Variants in SPRYD4 observed in about 807,000 individuals in gnomAD.
The protein encoded by SPRYD4 is SPRY domain containing 4.
A neutral mutation model predicts 16.6 loss-of-function variants in SPRYD4; 12 were observed. The observed-to-expected ratio is 0.72, with a 90% CI of 0.46 to 1.17. The LOEUF is 1.17. Among genes scored for constraint, SPRYD4 ranks in the 50% most tolerant of loss-of-function variants. The pLI is 0.00. For missense variants in SPRYD4, 260 were observed against 260.2 expected (o/e 1.00, Z 0.00); for synonymous variants, 98 against 105.4 (o/e 0.93, Z 0.43).
rs566806193 is a variant in SPRYD4 at position 56,478,474 on chromosome 12, A to G, written c.*8897A>G. ...GTATCCGCAATCCTGTAGAGATAGC[A>G]GTAAAGCCAATGGAAGTTAAAAAAG... On this transcript the variant is annotated 3_prime_UTR_variant, in exon 2 of 2. Coordinates refer to ENST00000338146, the MANE Select transcript of SPRYD4 (RefSeq NM_207344.4). 1 of 561,894 alleles carries G rather than the reference A, an allele frequency of 1.8e-6. No homozygotes were observed. Among genetic ancestry groups the G allele is most frequent in the East Asian group, 3.0e-5 (1 of 33,246 alleles). 34.8% of individuals were successfully genotyped at this position (561,894 alleles called of 1,614,324 possible).
chr12:56,471,772 C>T lies in SPRYD4; in HGVS notation c.*2195C>T. On this transcript the variant is annotated 3_prime_UTR_variant, in exon 2 of 2. Coordinates refer to ENST00000338146, the MANE Select transcript of SPRYD4 (RefSeq NM_207344.4). ...TCCTCCACTTTTAGCCTATTCCTCA[C>T]CTGTCCTTGGCAAAAGGATTCACTT... is the stretch of plus-strand genomic sequence containing the variant. 6.2e-7 allele frequency: 1 copy of T among 1,614,172 alleles called. No individual in the cohort carries two copies. The highest frequency in any genetic ancestry group is 1.1e-5 in the South Asian group (1 of 91,076).
At position 56,474,237 on chromosome 12, in the gene SPRYD4, A is replaced by C; in HGVS notation, c.*4660A>C. ...CCCAAGTAGCTGGGATTACAGGTGCACACCACCACCCCCGGCTAATTTTTT... is the reference window on the plus strand; with the variant it reads ...CCCAAGTAGCTGGGATTACAGGTGCCCACCACCACCCCCGGCTAATTTTTT... On this transcript the variant is annotated 3_prime_UTR_variant, in exon 2 of 2. Coordinates refer to ENST00000338146, the MANE Select transcript of SPRYD4 (RefSeq NM_207344.4). 2.8e-6 allele frequency: 1 copy of C among 356,012 alleles called. No homozygotes were observed. Among genetic ancestry groups the C allele is most frequent in the Middle Eastern group, 9.5e-4 (1 of 1,054 alleles). 22.1% of individuals were successfully genotyped at this position (356,012 alleles called of 1,614,324 possible).
chr12:56,472,646 A>C lies in SPRYD4; in HGVS notation c.*3069A>C. The C allele has an allele frequency of 6.4e-7, 1 of 1,565,770 alleles. No individual in the cohort carries two copies. The highest frequency in any genetic ancestry group is 8.8e-7 in the Non-Finnish European group (1 of 1,136,520). On this transcript the variant is annotated 3_prime_UTR_variant, in exon 2 of 2. Coordinates refer to ENST00000338146, the MANE Select transcript of SPRYD4 (RefSeq NM_207344.4). ...ACGCTGCCTCCTAGTAAAATCTCTG[A>C]CCAGGAGTATTTTATTGTGTATATT...
rs888361751 is a variant in SPRYD4, at chr12:56,471,713, G to A, written c.*2136G>A. ...TGGTGGTTGTATATATTTGCATGGT[G>A]GCTGGAGGGTAGGTGGAGAAGCTGT... On this transcript the variant is annotated 3_prime_UTR_variant, in exon 2 of 2. Coordinates refer to ENST00000338146, the MANE Select transcript of SPRYD4 (RefSeq NM_207344.4). The A allele has an allele frequency of 2.8e-5, 45 of 1,610,812 alleles. No homozygotes were observed. The African/African-American group carries it at 5.7e-4, about 21-fold the overall frequency.
chr12:56,472,577 A>T lies in SPRYD4; in HGVS notation c.*3000A>T. The T allele has an allele frequency of 1.1e-6, 1 of 930,900 alleles. No homozygotes were observed. Among genetic ancestry groups the T allele is most frequent in the Non-Finnish European group, 1.7e-6 (1 of 586,530 alleles). The allele number at this position is 930,900 out of a possible 1,614,324, so 57.7% of individuals were successfully genotyped here. On this transcript the variant is annotated 3_prime_UTR_variant, in exon 2 of 2. Transcript: ENST00000338146. The stretch of plus-strand genomic sequence containing the variant: ...AAAAAATTTCATTTAAATGCAATCT[A>T]TATCCATTCTAATTCCAAAGCTGAA...
chr12:56,471,419 G>A lies in SPRYD4; in HGVS notation c.*1842G>A, dbSNP rs764210976. 1.3e-6 allele frequency: 2 copies of A among 1,489,468 alleles called. No individual in the cohort carries two copies. The highest frequency in any genetic ancestry group is 1.8e-6 in the Non-Finnish European group (2 of 1,105,788). 92.3% of individuals were successfully genotyped at this position (1,489,468 alleles called of 1,614,324 possible). ...AGTGTAGCTCTCCATAGTATTTTTG[G>A]TGGTTATGGATTACATGTGTGGCCA... is the stretch of plus-strand genomic sequence containing the variant. On this transcript the variant is annotated 3_prime_UTR_variant, in exon 2 of 2. Transcript: ENST00000338146.
intron 1 of SPRYD4, 73 bp from the exon 2 acceptor site, chr12:56,468,966 T>C: frequency 2.0e-6 from 3 of 1,495,224 alleles, no homozygotes; most frequent in Non-Finnish European, 2.7e-6. Flanking sequence ...GCTGCCTGCC[T>C]CATATCTGAA....
chr12:56,468,791 C>T, intron 1 of SPRYD4, 115 bp downstream of exon 1: 1 of 1,225,386 alleles, frequency 8.2e-7, no homozygotes, highest in Non-Finnish European at 1.2e-6. Flanking sequence ...CCCCACCTGC[C>T]TTGGTCTTAA....
chr12:56,474,164 C>T lies in SPRYD4; in HGVS notation c.*4587C>T, dbSNP rs1355974546. On this transcript the variant is annotated 3_prime_UTR_variant, in exon 2 of 2. Coordinates refer to ENST00000338146, the MANE Select transcript of SPRYD4 (RefSeq NM_207344.4). Reference sequence around the variant, plus strand: ...CTACAGTGCAATGGCACAATCTCGGCTCAGTGCAACCTCTGCCTCCCAGGT... The same window carrying T: ...CTACAGTGCAATGGCACAATCTCGGTTCAGTGCAACCTCTGCCTCCCAGGT... The T allele has an allele frequency of 4.3e-6, 1 of 233,904 alleles. No individual in the cohort carries two copies. Among genetic ancestry groups the T allele is most frequent in the South Asian group, 5.1e-5 (1 of 19,502 alleles). The allele number at this position is 233,904 out of a possible 1,614,324, so 14.5% of individuals were successfully genotyped here. A position where few individuals can be genotyped will look rare whatever the true frequency, so the allele number is the denominator to read the frequency against.
Position 56,478,508 on chromosome 12 carries a change from T to C in SPRYD4, c.*8931T>C. The C allele has an allele frequency of 6.1e-6, 3 of 495,412 alleles. No homozygotes were observed. The highest frequency in any genetic ancestry group is 1.1e-5 in the Non-Finnish European group (3 of 274,554). The allele number at this position is 495,412 out of a possible 1,614,324, so 30.7% of individuals were successfully genotyped here. On this transcript the variant is annotated 3_prime_UTR_variant, in exon 2 of 2. Coordinates refer to ENST00000338146, the MANE Select transcript of SPRYD4 (RefSeq NM_207344.4). ...AATGGAAGTTAAAAAAGGAGAATTC[T>C]GAGGCAACCTTCCCCTTTTGGTTCT...
In SPRYD4 at chr12:56,474,099, TC is replaced by T. The variant is rs68075473; in HGVS notation, c.*4523del. On this transcript the variant is annotated 3_prime_UTR_variant, in exon 2 of 2. Coordinates refer to ENST00000338146, the MANE Select transcript of SPRYD4 (RefSeq NM_207344.4). ...CTGGTTGTTTTTCTTTTTCTTTTTT[TC>T]TTTTTTTTTGAGATGGAGTTTTGCT... is the stretch of plus-strand genomic sequence containing the variant. 0.62 allele frequency: 90,540 copies of T among 145,872 alleles called. 28,742 individuals carry two copies. Among genetic ancestry groups the T allele is most frequent in the East Asian group, 0.91 (4,591 of 5,020 alleles). The allele number at this position is 145,872 out of a possible 1,614,324, so 9.0% of individuals were successfully genotyped here.
At position 56,475,251 on chromosome 12, in the gene SPRYD4, TA is replaced by T; in HGVS notation, c.*5675del. 1 of 1,571,218 alleles carries T rather than the reference TA, an allele frequency of 6.4e-7. No individual in the cohort carries two copies. Among genetic ancestry groups the T allele is most frequent in the Non-Finnish European group, 8.6e-7 (1 of 1,163,588 alleles). On this transcript the variant is annotated 3_prime_UTR_variant, in exon 2 of 2. Coordinates refer to ENST00000338146, the MANE Select transcript of SPRYD4 (RefSeq NM_207344.4). The stretch of plus-strand genomic sequence containing the variant: ...CCTTTATAACTTCTCACAGTAATAT[TA>T]GAGGAAATTTCTGAACCTGAGCAAA...
chr12:56,479,273 G>T lies in SPRYD4; in HGVS notation c.*9696G>T, dbSNP rs752163795. 2.5e-4 allele frequency: 377 copies of T among 1,512,144 alleles called. 1 individual carries two copies. Among genetic ancestry groups the T allele is most frequent in the Non-Finnish European group, 2.3e-4 (257 of 1,127,810 alleles). The allele number at this position is 1,512,144 out of a possible 1,614,324, so 93.7% of individuals were successfully genotyped here. ...GGAAATTGGGAATAAAGAAGGTTGA[G>T]TGGTCTTCAGGTTTGGGATCAACAG... On this transcript the variant is annotated 3_prime_UTR_variant, in exon 2 of 2. Coordinates refer to ENST00000338146, the MANE Select transcript of SPRYD4 (RefSeq NM_207344.4).
Position 56,469,052 on chromosome 12 carries a change from A to G in SPRYD4, c.99A>G (p.Lys33=). Residue 33 remains lysine (K), a synonymous_variant, in exon 2 of 2, where the codon AAA becomes AAG. Coordinates refer to ENST00000338146, the MANE Select transcript of SPRYD4 (RefSeq NM_207344.4). ...STEAQRGVSF[K]LEEKTAHSSL... ...CTCTGCCCGCAGGCGTCAGTTTCAA[A>G]CTGGAAGAAAAAACCGCCCACAGCA... 1 of 1,569,634 alleles carries G rather than the reference A, an allele frequency of 6.4e-7. No individual in the cohort carries two copies. Among genetic ancestry groups the G allele is most frequent in the Non-Finnish European group, 8.6e-7 (1 of 1,157,550 alleles).
At position 56,478,125 on chromosome 12, in the gene SPRYD4, GT is replaced by G; in HGVS notation, c.*8550del. 6.2e-7 allele frequency: 1 copy of G among 1,614,100 alleles called. No individual in the cohort carries two copies. Among genetic ancestry groups the G allele is most frequent in the Admixed American group, 1.7e-5 (1 of 60,028 alleles). ...GAGGCAGACAGATGCCATGAAAGGG[GT>G]TGGCCTGTGTTCGGCACCTGTGCCC... On this transcript the variant is annotated 3_prime_UTR_variant, in exon 2 of 2. Coordinates refer to ENST00000338146, the MANE Select transcript of SPRYD4 (RefSeq NM_207344.4).
Position 56,473,790 on chromosome 12 carries a change from T to C in SPRYD4, c.*4213T>C. The C allele has an allele frequency of 1.5e-6, 1 of 647,152 alleles. No homozygotes were observed. The highest frequency in any genetic ancestry group is 2.4e-6 in the Non-Finnish European group (1 of 410,654). 40.1% of individuals were successfully genotyped at this position (647,152 alleles called of 1,614,324 possible). On this transcript the variant is annotated 3_prime_UTR_variant, in exon 2 of 2. Transcript: ENST00000338146. ...TAAATTCATTGATTCAGCTAGAAAATATTTTTTGAAATACTTACAGCATTC... is the reference window on the plus strand; with the variant it reads ...TAAATTCATTGATTCAGCTAGAAAACATTTTTTGAAATACTTACAGCATTC...
In SPRYD4 at chr12:56,471,355, G is replaced by C. The variant is rs1592270792; in HGVS notation, c.*1778G>C. On this transcript the variant is annotated 3_prime_UTR_variant, in exon 2 of 2. Coordinates refer to ENST00000338146, the MANE Select transcript of SPRYD4 (RefSeq NM_207344.4). Reference sequence around the variant, plus strand: ...ATTTTGACTCCCATAGAAAGCACTAGCCTAAGTCACCAAATGACTGCTTGG... The same window carrying C: ...ATTTTGACTCCCATAGAAAGCACTACCCTAAGTCACCAAATGACTGCTTGG... The C allele has an allele frequency of 1.0e-6, 1 of 980,420 alleles. No homozygotes were observed. The highest frequency in any genetic ancestry group is 2.6e-5 in the East Asian group (1 of 38,616). 60.7% of individuals were successfully genotyped at this position (980,420 alleles called of 1,614,324 possible). A position where few individuals can be genotyped will look rare whatever the true frequency, so the allele number is the denominator to read the frequency against.
In SPRYD4 at chr12:56,475,845, G is replaced by T; in HGVS notation, c.*6268G>T. ...GGAAATAAGGCTTCTAGTATGGGCT[G>T]GTGCACCTGGTAGTGGGGTTAGAGA... On this transcript the variant is annotated 3_prime_UTR_variant, in exon 2 of 2. Coordinates refer to ENST00000338146, the MANE Select transcript of SPRYD4 (RefSeq NM_207344.4). 4 of 1,423,774 alleles carry T rather than the reference G, an allele frequency of 2.8e-6. No individual in the cohort carries two copies. Among genetic ancestry groups the T allele is most frequent in the Non-Finnish European group, 4.0e-6 (4 of 1,008,440 alleles). The allele number at this position is 1,423,774 out of a possible 1,614,324, so 88.2% of individuals were successfully genotyped here.
rs1374040530 is a variant in SPRYD4, at chr12:56,479,001, A to G, written c.*9424A>G. 1.9e-6 allele frequency: 3 copies of G among 1,562,254 alleles called. No homozygotes were observed. Among genetic ancestry groups the G allele is most frequent in the Non-Finnish European group, 1.7e-6 (2 of 1,162,584 alleles). On this transcript the variant is annotated 3_prime_UTR_variant, in exon 2 of 2. Transcript: ENST00000338146. ...TCTGTCTCAGGAAAAAAAAAAAAAAAAAAAATCTGGCCCAGGTCCCTGACC... is the reference window on the plus strand; with the variant it reads ...TCTGTCTCAGGAAAAAAAAAAAAAAGAAAAATCTGGCCCAGGTCCCTGACC...
Sources: allele counts gnomAD v4.1 joint callset, GRCh38; gene constraint gnomAD v4.1.1; transcripts MANE v1.5; gene names NCBI Gene and HGNC (gene_info 2026-07-23, HGNC 2026-07-21).